Variants in CSMD3 observed in about 807,000 individuals in gnomAD.
CSMD3 encodes CUB and sushi domain-containing protein 3.
A neutral mutation model predicts 435.2 loss-of-function variants in CSMD3; 177 were observed. The ratio of observed to expected loss-of-function variants is 0.41; its 90% confidence interval spans 0.36 to 0.46. CSMD3 has a LOEUF of 0.46. CSMD3 is among the 20% of genes least tolerant of loss of function. The pLI is 0.34. For missense variants in CSMD3, 4,265 were observed against 4,504.6 expected, an observed-to-expected ratio of 0.95 and a Z score of 1.52; for synonymous variants, 1,656 against 1,520.5, an observed-to-expected ratio of 1.09 and a Z score of -2.07.
At chr8:113,252,586 T>C (rs563327275) in intron 3 of CSMD3, among the ~76,000 whole-genome samples, 1 of 152,270 alleles carries the variant, frequency 6.6e-6, no homozygotes, top group African/African-American at 2.4e-5. Flanking sequence ...ACAACCTTTT[T>C]CATTTTTCCA....
chr8:112,725,322 T>C (rs2076940173), intron 13 of CSMD3, among the ~76,000 whole-genome samples: 1 of 151,912 alleles, frequency 6.6e-6, no homozygotes, highest in Non-Finnish European at 1.5e-5. Context: ...TAGCTTTAGA[T>C]AGAAGCATTG....
chr8:112,514,959 T>A (rs368033906), intron 28 of CSMD3, among the ~76,000 whole-genome samples: 43 of 152,170 alleles, frequency 2.8e-4, no homozygotes, highest in African/African-American at 1.0e-3. Flanking sequence ...CCTCAAGCTA[T>A]CTTTTCCTAC....
chr8:112,346,028 A>C (rs548599944), intron 41 of CSMD3, 69 bp downstream of exon 41: 1 of 902,842 alleles, frequency 1.1e-6, no homozygotes, highest in South Asian at 1.3e-5. Context: ...CTTATTCGAC[A>C]TTGAAATTTA....
At chr8:112,525,031 T>A (rs1824722226) in intron 27 of CSMD3, among the ~76,000 whole-genome samples, 1 of 151,848 alleles carries the variant, frequency 6.6e-6, no homozygotes, top group African/African-American at 2.4e-5. Context: ...TCGACTGATA[T>A]CATCATAAGC....
At chr8:113,297,377 T>C (rs569907342) in intron 2 of CSMD3, among the ~76,000 whole-genome samples, 2 of 152,164 alleles carry the variant, frequency 1.3e-5, no homozygotes, top group Admixed American at 1.3e-4. Context: ...ATGGAAACTT[T>C]GGAATTTCAT....
intron 1 of CSMD3, among the ~76,000 whole-genome samples, chr8:113,355,165 TAAAC>T (rs1261404727): frequency 6.6e-6 from 1 of 152,196 alleles, no homozygotes; most frequent in Admixed American, 6.5e-5. Flanking sequence ...ATGTGTAACA[TAAAC>T]AAGTATCATA....
intron 41 of CSMD3, 64 bp from the exon 42 acceptor site, chr8:112,341,750 C>T (rs2130994893): frequency 2.1e-6 from 2 of 944,086 alleles, no homozygotes; most frequent in Non-Finnish European, 3.4e-6. Context: ...TAAATATACA[C>T]ACACACAATC....
intron 38 of CSMD3, among the ~76,000 whole-genome samples, chr8:112,366,176 G>GT (rs1403655091): frequency 2.0e-5 from 3 of 152,130 alleles, no homozygotes; most frequent in Non-Finnish European, 4.4e-5. Context: ...CATGGCAACA[G>GT]TTTTTTGGGA....
intron 22 of CSMD3, among the ~76,000 whole-genome samples, chr8:112,630,883 G>A (rs945028914): frequency 6.6e-6 from 1 of 150,862 alleles, no homozygotes; most frequent in Admixed American, 6.7e-5. Flanking sequence ...AGAGATTTGA[G>A]TATACGGATA....
At chr8:112,601,619 A>C (rs1033805748) in intron 22 of CSMD3, among the ~76,000 whole-genome samples, 3 of 152,212 alleles carry the variant, frequency 2.0e-5, no homozygotes, top group Non-Finnish European at 4.4e-5. Flanking sequence ...TCAAGAAGGT[A>C]GCATTTTGGT....
At chr8:112,460,651 T>G (rs1324816308) in intron 32 of CSMD3, among the ~76,000 whole-genome samples, 1 of 152,106 alleles carries the variant, frequency 6.6e-6, no homozygotes, top group Non-Finnish European at 1.5e-5. Flanking sequence ...GCAAACTCTG[T>G]TACAATAAAA....
chr8:113,329,114 TAAG>T (rs772951960), intron 1 of CSMD3, among the ~76,000 whole-genome samples: 2 of 151,764 alleles, frequency 1.3e-5, no homozygotes, highest in African/African-American at 2.4e-5. Flanking sequence ...ATTTTAAAAA[TAAG>T]TGGTTAGAAA....
chr8:112,744,638 T>G (rs1400006544), intron 13 of CSMD3, among the ~76,000 whole-genome samples: 1 of 151,996 alleles, frequency 6.6e-6, no homozygotes, highest in Non-Finnish European at 1.5e-5. Flanking sequence ...TTTTCTTTCT[T>G]ATTTAGGCAG....
intron 3 of CSMD3, among the ~76,000 whole-genome samples, chr8:113,276,052 G>A (rs1025853492): frequency 6.6e-6 from 1 of 151,942 alleles, no homozygotes; most frequent in African/African-American, 2.4e-5. Context: ...AGTTGGCCCT[G>A]GCAGTATCAC....
At position 112,337,461 on chromosome 8, in the gene CSMD3, G is replaced by T. The variant is rs1047151845; in HGVS notation, c.6841+82C>A. On this transcript the variant is annotated intron_variant, in intron 43 of 70. Transcript: ENST00000297405. ...CTATATATTTAGCATGCTATTGGAA[G>T]AGGAAGACAAGTAAAAAGTGCCAAA... is the stretch of plus-strand genomic sequence containing the variant. 30 of 1,039,628 alleles carry T rather than the reference G, an allele frequency of 2.9e-5. No homozygotes were observed. The African/African-American group carries it at 4.4e-4, about 15-fold the overall frequency. The allele number at this position is 1,039,628 out of a possible 1,614,324, so 64.4% of individuals were successfully genotyped here.
At chr8:112,887,038 C>A (rs994276288) in intron 10 of CSMD3, among the ~76,000 whole-genome samples, 24 of 151,456 alleles carry the variant, frequency 1.6e-4, no homozygotes, top group African/African-American at 5.6e-4. Context: ...TCAAGTTGAC[C>A]AAAATGAGTC....
chr8:112,513,492 G>A (rs1291241325), intron 28 of CSMD3, among the ~76,000 whole-genome samples: 2 of 152,010 alleles, frequency 1.3e-5, no homozygotes, highest in East Asian at 3.9e-4. Context: ...TTTGTTTGTG[G>A]CACCCCAAAA....
At chr8:113,315,146 G>A (rs544476745) in intron 1 of CSMD3, among the ~76,000 whole-genome samples, 1 of 152,232 alleles carries the variant, frequency 6.6e-6, no homozygotes, top group East Asian at 1.9e-4. Context: ...CATTGTGGGA[G>A]CTCATAAACA....
At chr8:113,326,985 A>G (rs898710187) in intron 1 of CSMD3, among the ~76,000 whole-genome samples, 4 of 152,180 alleles carry the variant, frequency 2.6e-5, no homozygotes, top group African/African-American at 4.8e-5. Context: ...CCTAAGTTTG[A>G]AAGTTTGAGA....
Sources: allele counts gnomAD v4.1 joint callset (sites outside exome capture counted in the v4.1 genomes callset), GRCh38; gene constraint gnomAD v4.1.1; transcripts MANE v1.5; gene names NCBI Gene and HGNC (gene_info 2026-07-23, HGNC 2026-07-21).